Variants in DIPK2B observed in about 807,000 individuals in gnomAD.
The protein encoded by DIPK2B is UPF0672 protein CXorf36.
A neutral mutation model predicts 22.2 loss-of-function variants in DIPK2B; 15 were observed. The observed-to-expected ratio is 0.68, with a 90% CI of 0.45 to 1.04. The LOEUF (loss-of-function observed/expected upper bound fraction) is 1.04, where lower values mean the gene tolerates loss of function less well. Among genes scored for constraint, DIPK2B ranks in the 50% least tolerant of loss-of-function variants. The pLI, the probability that DIPK2B is intolerant of heterozygous loss-of-function variation, is 0.00. For synonymous variants in DIPK2B, 163 were observed against 153.2 expected (o/e 1.06, Z -0.47); for missense variants, 345 against 348.3 (o/e 0.99, Z 0.08).
intron 1 of DIPK2B, among the ~76,000 whole-genome samples, chrX:45,195,502 G>A (rs960533266): frequency 1.8e-5 from 2 of 111,940 alleles, no homozygotes; most frequent in African/African-American, 6.5e-5. Flanking sequence ...CATAAAGCCT[G>A]TAGATATGCC....
chrX:45,171,936 G>A (rs910552017), intron 2 of DIPK2B, among the ~76,000 whole-genome samples: 1 of 112,372 alleles, frequency 8.9e-6, no homozygotes, highest in Non-Finnish European at 1.9e-5. Context: ...GTGTGCTGCA[G>A]TGGACTTACT....
chrX:45,155,431 A>ATATATATATAT (rs34203440), intron 3 of DIPK2B, among the ~76,000 whole-genome samples: 12 of 96,391 alleles, frequency 1.2e-4, no homozygotes, highest in African/African-American at 4.1e-4. Context: ...TCAAAAAAAA[A>ATATATATATAT]ATATATATAT....
chrX:45,193,456 T>C (rs2047222689), intron 1 of DIPK2B, among the ~76,000 whole-genome samples: 1 of 111,618 alleles, frequency 9.0e-6, no homozygotes, highest in East Asian at 2.8e-4. Context: ...CTGACACAAC[T>C]TTACCCTAAG....
At chrX:45,179,022 T>G (rs1023427431) in intron 2 of DIPK2B, among the ~76,000 whole-genome samples, 3 of 111,400 alleles carry the variant, frequency 2.7e-5, no homozygotes, top group Non-Finnish European at 3.8e-5. Context: ...AAATCCATTC[T>G]CAACAGAATT....
At chrX:45,177,913 T>G (rs1253764007) in intron 2 of DIPK2B, among the ~76,000 whole-genome samples, 1 of 112,003 alleles carries the variant, frequency 8.9e-6, no homozygotes, top group Non-Finnish European at 1.9e-5. Context: ...CATTCATTTA[T>G]TCTTTTCTTT....
At chrX:45,195,454 C>T (rs1356386331) in intron 1 of DIPK2B, among the ~76,000 whole-genome samples, 2 of 111,876 alleles carry the variant, frequency 1.8e-5, no homozygotes, top group African/African-American at 6.5e-5. Flanking sequence ...AAAATGCCCT[C>T]TTCTCGTGCA....
Position 45,151,949 on chromosome X carries a change from A to C in DIPK2B, c.1005T>G (p.Phe335Leu), listed in dbSNP as rs1177965091. 7.5e-6 allele frequency: 9 copies of C among 1,193,116 alleles called. No homozygotes were observed. Among genetic ancestry groups the C allele is most frequent in the Non-Finnish European group, 1.0e-5 (9 of 885,441 alleles). Residue 335 changes from phenylalanine (F) to leucine (L), a missense_variant, in exon 5 of 5, where the codon TTT (phenylalanine) becomes TTG (leucine). By Grantham distance (22) the Phe-to-Leu change is conservative. Transcript: ENST00000398000. ...CCTGGCAGCCGGAAACCAGGCAGCT[A>C]AAAATGTCTTTATTCTCTCCTGCCC... ...ANRAGENKDI[F>L]SCLVSGCQAQ...
At chrX:45,155,432 AT>A (rs1379023105) in intron 3 of DIPK2B, among the ~76,000 whole-genome samples, 52 of 45,932 alleles carry the variant, frequency 1.1e-3, no homozygotes, top group South Asian at 2.7e-3. Context: ...CAAAAAAAAA[AT>A]ATATATATAT....
At chrX:45,161,077 C>T (rs1298085037) in intron 2 of DIPK2B, among the ~76,000 whole-genome samples, 1 of 111,948 alleles carries the variant, frequency 8.9e-6, no homozygotes, top group Non-Finnish European at 1.9e-5. Context: ...TCACTCTTTT[C>T]TTCCTGGCTG....
intron 2 of DIPK2B, among the ~76,000 whole-genome samples, chrX:45,167,396 G>A (rs2047054391): frequency 9.3e-6 from 1 of 107,511 alleles, no homozygotes; most frequent in Non-Finnish European, 1.9e-5. Flanking sequence ...GGAGGCTGAG[G>A]TGAGAGGATC....
intron 2 of DIPK2B, chrX:45,163,037 T>C (rs775218213): frequency 3.5e-6 from 2 of 569,828 alleles, no homozygotes; most frequent in African/African-American, 2.5e-5. Context: ...AGTTATTCAA[T>C]TGAATGCTAA....
At position 45,200,869 on chromosome X, in the gene DIPK2B, G is replaced by A. The variant is rs746633526; in HGVS notation, c.-43C>T. ...AGCTGCAGCCTCTGGCTGTCCACTC[G>A]AGGCTGTACAGAGGCAGGGCTTGGC... is the stretch of plus-strand genomic sequence containing the variant. On this transcript the variant is annotated 5_prime_UTR_variant, in exon 1 of 5. Coordinates refer to ENST00000398000, the MANE Select transcript of DIPK2B (RefSeq NM_176819.4). 33 of 1,070,410 alleles carry A rather than the reference G, an allele frequency of 3.1e-5. No individual in the cohort carries two copies. In the South Asian group the frequency reaches 6.5e-4, roughly 21 times the overall value. The allele number at this position is 1,070,410 out of a possible 1,213,427, so 88.2% of individuals were successfully genotyped here. A position where few individuals can be genotyped will look rare whatever the true frequency, so the allele number is the denominator to read the frequency against.
At chrX:45,182,342 C>T (rs750591201) in intron 2 of DIPK2B, among the ~76,000 whole-genome samples, 21 of 111,730 alleles carry the variant, frequency 1.9e-4, no homozygotes, top group Non-Finnish European at 7.5e-5. Context: ...TCAAACCATA[C>T]AATGATATAC....
Position 45,179,173 on chromosome X carries a change from C to T in DIPK2B, c.498+12578G>A, listed in dbSNP as rs145330654. The stretch of plus-strand genomic sequence containing the variant: ...TGCTAAACATTCTACAAGGTATAAG[C>T]CAGCCTCCTTCCCCCAACAAAGAAT... On this transcript the variant is annotated intron_variant, in intron 2 of 4. Transcript: ENST00000398000. Among the ~76,000 whole-genome samples the T allele has an allele frequency of 4.3e-3, 480 of 111,021 alleles. 4 individuals carry two copies. Among genetic ancestry groups the T allele is most frequent in the African/African-American group, 0.015 (456 of 30,512 alleles).
chrX:45,195,710 T>C (rs1051670797), intron 1 of DIPK2B, among the ~76,000 whole-genome samples: 17 of 111,976 alleles, frequency 1.5e-4, no homozygotes, highest in Non-Finnish European at 2.6e-4. Flanking sequence ...CCTGCTGCAT[T>C]GCCTGCTGCA....
chrX:45,189,036 G>A (rs1410783742), intron 2 of DIPK2B, among the ~76,000 whole-genome samples: 1 of 111,992 alleles, frequency 8.9e-6, no homozygotes, highest in Non-Finnish European at 1.9e-5. Flanking sequence ...ATTATGAATA[G>A]TGCTGCTATG....
intron 2 of DIPK2B, among the ~76,000 whole-genome samples, chrX:45,176,414 G>C (rs917039972): frequency 4.5e-5 from 5 of 112,084 alleles, no homozygotes; most frequent in Non-Finnish European, 5.6e-5. Flanking sequence ...TGGTTAATTA[G>C]AGAGTCATTT....
intron 2 of DIPK2B, among the ~76,000 whole-genome samples, chrX:45,167,683 CT>C (rs1308684498): frequency 3.8e-5 from 4 of 106,373 alleles, no homozygotes; most frequent in East Asian, 3.0e-4. Context: ...CAGAGTGATT[CT>C]TTTTTTTTTC....
At chrX:45,155,831 T>C (rs1017989095) in intron 3 of DIPK2B, among the ~76,000 whole-genome samples, 2 of 110,639 alleles carry the variant, frequency 1.8e-5, no homozygotes, top group Admixed American at 1.9e-4. Context: ...TATTGCTTGT[T>C]TTCCTTCTTT....
Sources: gnomAD v4.1 joint callset for allele counts (sites outside exome capture counted in the v4.1 genomes callset) on GRCh38, gnomAD v4.1.1 for gene constraint, MANE v1.5 for transcripts, NCBI Gene and HGNC (gene_info 2026-07-23, HGNC 2026-07-21) for gene names.